PTDSS2: variants seen among roughly 807,000 people sequenced by gnomAD.
The protein encoded by PTDSS2 is PSS-2.
Under a neutral mutation model 64.7 loss-of-function variants are expected in PTDSS2, and 41 were observed. That is an observed-to-expected ratio of 0.63 (90% confidence interval 0.49 to 0.82). The LOEUF (loss-of-function observed/expected upper bound fraction) is 0.82. Among genes scored for constraint, PTDSS2 ranks in the 40% least tolerant of loss-of-function variants. PTDSS2 has a pLI of 0.00. For synonymous variants in PTDSS2, 297 were observed against 277.8 expected (o/e 1.07, Z -0.69); for missense variants, 485 against 650.0 (o/e 0.75, Z 2.76).
At chr11:448,615 C>T (rs1846192297), upstream of PTDSS2, among the ~76,000 whole-genome samples, 1 of 152,198 alleles carries the variant, frequency 6.6e-6, no homozygotes, top group Non-Finnish European at 1.5e-5. Context: ...CCCAACAGCA[C>T]GCCCCCTGGA....
upstream of PTDSS2, among the ~76,000 whole-genome samples, chr11:449,776 G>A (rs1001821697): frequency 6.6e-6 from 1 of 152,072 alleles, no homozygotes; most frequent in Non-Finnish European, 1.5e-5. Flanking sequence ...GTGAAACCCC[G>A]TCTCTACTAA....
intron 1 of PTDSS2, among the ~76,000 whole-genome samples, chr11:457,552 C>G (rs1181017891): frequency 6.6e-6 from 1 of 152,218 alleles, no homozygotes. Flanking sequence ...TCTTTGAGAT[C>G]TATCCACGTT....
intron 2 of PTDSS2, among the ~76,000 whole-genome samples, chr11:471,771 C>CGGCCTGGGGTGACGCAGATGGT (rs1564975269): frequency 7.7e-6 from 1 of 129,826 alleles, no homozygotes; most frequent in Non-Finnish European, 1.6e-5. Context: ...ACGCGGATGG[C>CGGCCTGGGGTGACGCAGATGGT]GGCCTGGGGT....
rs1846265672 is a variant in PTDSS2 at position 450,492 on chromosome 11, C to T, written c.37C>T (p.Arg13Trp). ...RGERRDAGGP[R>W]PESPVPAGRA... ...CGAGCGCAGGGACGCCGGAGGTCCGCGGCCCGAGTCCCCGGTGCCCGCGGG... is the reference window on the plus strand; with the variant it reads ...CGAGCGCAGGGACGCCGGAGGTCCGTGGCCCGAGTCCCCGGTGCCCGCGGG... The change falls in exon 1 of 12, where the codon CGG (arginine) becomes TGG (tryptophan). Residue 13 changes from arginine to tryptophan, a missense_variant. Around this residue, in one of 3 missense-constraint regions of PTDSS2, gnomAD observed 251 missense variants for 348.0 expected, o/e 0.72. Coordinates refer to ENST00000308020, the MANE Select transcript of PTDSS2 (RefSeq NM_030783.3). 1.6e-6 allele frequency: 2 copies of T among 1,236,080 alleles called. No individual in the cohort carries two copies. Among genetic ancestry groups the T allele is most frequent in the African/African-American group, 3.1e-5 (2 of 64,226 alleles). 76.6% of individuals were successfully genotyped at this position (1,236,080 alleles called of 1,614,324 possible).
At chr11:466,459 G>A (rs185665613) in intron 2 of PTDSS2, among the ~76,000 whole-genome samples, 1 of 148,182 alleles carries the variant, frequency 6.7e-6, no homozygotes, top group Admixed American at 6.8e-5. Context: ...AGGCTGGAGT[G>A]CAGTGGCATG....
In PTDSS2 at chr11:476,054, C is replaced by T. The variant is rs1847790343; in HGVS notation, c.367+2077C>T. Among the ~76,000 whole-genome samples, 1 of 152,232 alleles carries T rather than the reference C, an allele frequency of 6.6e-6. No homozygotes were observed. The highest frequency in any genetic ancestry group is 1.5e-5 in the Non-Finnish European group (1 of 68,040). On this transcript the variant is annotated intron_variant, in intron 3 of 11. Coordinates refer to ENST00000308020, the MANE Select transcript of PTDSS2 (RefSeq NM_030783.3). The surrounding 1 kb of genome is among the most constrained non-coding windows in gnomAD (Gnocchi z 4.9). ...CATGGTGGTGAGTGAAGCTCCCCCA[C>T]CCACAGAGGCCCTGAGCAGGGAGCC... is the stretch of plus-strand genomic sequence containing the variant.
intron 1 of PTDSS2, among the ~76,000 whole-genome samples, chr11:456,336 A>G (rs1590608524): frequency 6.8e-6 from 1 of 146,108 alleles, no homozygotes; most frequent in South Asian, 2.1e-4. Context: ...CACCACATCC[A>G]GTTAATTTTT....
chr11:490,332 C>T (rs1350624816), intron 11 of PTDSS2, 88 bp from the exon 12 acceptor site: 4 of 1,573,882 alleles, frequency 2.5e-6, no homozygotes, highest in African/African-American at 1.3e-5. Flanking sequence ...CATTCCGGAC[C>T]TCCACAGGGA....
At chr11:463,978 C>G (rs1287854668) in intron 2 of PTDSS2, 2 of 151,494 alleles carry the variant, frequency 1.3e-5, no homozygotes, top group Non-Finnish European at 2.9e-5. Flanking sequence ...GGATGATTTT[C>G]TTTTTCTTTT....
At position 490,328 on chromosome 11, in the gene PTDSS2, G is replaced by A. The variant is rs368257800; in HGVS notation, c.1302-92G>A. 347 of 1,562,684 alleles carry A rather than the reference G, an allele frequency of 2.2e-4. 7 individuals carry two copies. The South Asian group carries it at 3.4e-3, about 15-fold the overall frequency. ...ACCCGGCACCCACCCAGTCCATTCC[G>A]GACCTCCACAGGGACTAGGTGCCAG... On this transcript the variant is annotated intron_variant, in intron 11 of 11. Coordinates refer to ENST00000308020, the MANE Select transcript of PTDSS2 (RefSeq NM_030783.3).
rs141746720 is a variant in PTDSS2 at position 478,735 on chromosome 11, TA to T, written c.368-340del. Among the ~76,000 whole-genome samples the T allele has an allele frequency of 6.2e-3, 913 of 147,208 alleles. 7 individuals are homozygous for T. Among genetic ancestry groups the T allele is most frequent in the African/African-American group, 0.022 (871 of 40,192 alleles). ...TCCAGCCTGGGCGACAGACTCCATCTAAAAAAAAAAGGTATCCACCAAAAAC... is the reference window on the plus strand; with the variant it reads ...TCCAGCCTGGGCGACAGACTCCATCTAAAAAAAAAGGTATCCACCAAAAAC... On this transcript the variant is annotated intron_variant, in intron 3 of 11. Coordinates refer to ENST00000308020, the MANE Select transcript of PTDSS2 (RefSeq NM_030783.3).
intron 4 of PTDSS2, among the ~76,000 whole-genome samples, chr11:484,490 AAC>A (rs1848206302): frequency 3.3e-5 from 5 of 152,234 alleles, no homozygotes; most frequent in Non-Finnish European, 4.4e-5. Flanking sequence ...GGCGTCTGTA[AAC>A]ACAGCCAGTG....
intron 4 of PTDSS2, 96 bp from the exon 5 acceptor site, chr11:486,843 A>G (rs56352613): frequency 0.31 from 447,956 of 1,445,788 alleles, 72,866 homozygotes; most frequent in African/African-American, 0.46. Flanking sequence ...GCGAGACTCC[A>G]TCTCAAAAAA....
At position 462,764 on chromosome 11, in the gene PTDSS2, T is replaced by A. The variant is rs1448115479; in HGVS notation, c.284+2476T>A. Among the ~76,000 whole-genome samples the A allele has an allele frequency of 6.6e-6, 1 of 152,110 alleles. No individual in the cohort carries two copies. Among genetic ancestry groups the A allele is most frequent in the Non-Finnish European group, 1.5e-5 (1 of 67,998 alleles). On this transcript the variant is annotated intron_variant, in intron 2 of 11. Transcript: ENST00000308020. The surrounding 1 kb of genome is among the most constrained non-coding windows in gnomAD (Gnocchi z 4.5). ...ACACAGAGGGTGTCCGCACACAGGGTGCCCACACACAGGGTGTCCCCACAC... is the reference window on the plus strand; with the variant it reads ...ACACAGAGGGTGTCCGCACACAGGGAGCCCACACACAGGGTGTCCCCACAC...
At chr11:451,142 G>T (rs1846304823) in intron 1 of PTDSS2, among the ~76,000 whole-genome samples, 1 of 152,214 alleles carries the variant, frequency 6.6e-6, no homozygotes, top group Admixed American at 6.5e-5. Flanking sequence ...TTAGCAGAGT[G>T]TTGTGCGTGC....
At chr11:480,575 T>A (rs1192232044) in intron 4 of PTDSS2, 1 of 157,788 alleles carries the variant, frequency 6.3e-6, no homozygotes, top group African/African-American at 2.4e-5. Context: ...TATTTATTTT[T>A]TGAGACGACG....
rs1386357419 is a variant in PTDSS2 at position 450,610 on chromosome 11, A to G, written c.155A>G (p.Tyr52Cys). ...CGCCGCAGCACCGAGTCCGAGGTCT[A>G]CGACGACGGCACCAACACCTTCTTC... ...EGRRSTESEV[Y>C]DDGTNTFFWR... is the part of the protein sequence containing the mutation. Residue 52 changes from tyrosine to cysteine, a missense_variant, in exon 1 of 12, where the codon TAC (tyrosine) becomes TGC (cysteine). Physicochemically the swap from Tyr to Cys is radical, Grantham distance 194. Transcript: ENST00000308020. 12 of 1,243,522 alleles carry G rather than the reference A, an allele frequency of 9.7e-6. No individual in the cohort carries two copies. The highest frequency in any genetic ancestry group is 1.6e-5 in the African/African-American group (1 of 64,240). 77.0% of individuals were successfully genotyped at this position (1,243,522 alleles called of 1,614,324 possible).
intron 1 of PTDSS2, among the ~76,000 whole-genome samples, chr11:456,579 G>C (rs1022850195): frequency 2.6e-5 from 4 of 152,020 alleles, no homozygotes; most frequent in African/African-American, 9.7e-5. Context: ...TCATGGAGGG[G>C]CAGGCCAGGG....
At chr11:450,079 G>A (rs1482165867), upstream of PTDSS2, among the ~76,000 whole-genome samples, 2 of 152,178 alleles carry the variant, frequency 1.3e-5, no homozygotes, top group East Asian at 1.9e-4. Flanking sequence ...GGCCGCCGGG[G>A]ATGTCTGTGG....
Sources: gnomAD v4.1 joint callset for allele counts (sites outside exome capture counted in the v4.1 genomes callset) on GRCh38, gnomAD v4.1.1 for gene constraint, gnomAD v4.1.1 regional missense constraint, Gnocchi (gnomAD v3.1) non-coding constraint, MANE v1.5 for transcripts, NCBI Gene and HGNC (gene_info 2026-07-23, HGNC 2026-07-21) for gene names.